The following CPQ variants were observed in gnomAD, a reference collection of about 807,000 sequenced individuals.
The protein encoded by CPQ is Ser-Met dipeptidase.
A neutral mutation model predicts 45.7 loss-of-function variants in CPQ; 37 were observed. The ratio of observed to expected loss-of-function variants is 0.81; its 90% confidence interval spans 0.62 to 1.07. The LOEUF (loss-of-function observed/expected upper bound fraction) is 1.07. Among genes scored for constraint, CPQ ranks in the 50% least tolerant of loss-of-function variants. The probability of loss-of-function intolerance (pLI) is 0.00; values close to 1 mark genes in which losing one functional copy is unlikely to be tolerated. For missense variants in CPQ, 537 were observed against 572.9 expected, an observed-to-expected ratio of 0.94 and a Z score of 0.64; for synonymous variants, 186 against 205.8, an observed-to-expected ratio of 0.90 and a Z score of 0.82.
intron 5 of CPQ, among the ~76,000 whole-genome samples, chr8:97,004,715 A>T (rs1373350443): frequency 6.6e-6 from 1 of 152,188 alleles, no homozygotes; most frequent in East Asian, 1.9e-4. Flanking sequence ...AGAGAATACA[A>T]ATAGAAATAC....
chr8:96,909,011 T>A (rs4734353), intron 4 of CPQ, among the ~76,000 whole-genome samples: 93,758 of 151,926 alleles, frequency 0.62, 29,598 homozygotes, highest in African/African-American at 0.75. Context: ...CTTGGATTTC[T>A]TGTTTTGCCA....
rs563648058 is a variant in CPQ at position 96,965,664 on chromosome 8, C to T, written c.850-271C>T. Among the ~76,000 whole-genome samples the T allele has an allele frequency of 2.0e-5, 3 of 152,040 alleles. 1 individual carries two copies. The highest frequency in any genetic ancestry group is 4.1e-4 in the South Asian group (2 of 4,826). On this transcript the variant is annotated intron_variant, in intron 4 of 7. Coordinates refer to ENST00000220763, the MANE Select transcript of CPQ (RefSeq NM_016134.4). ...GATTAGAGGCGTGAGCCACCGCACC[C>T]GGCCAAGCCAATTTCTTTAGTAGTC...
At chr8:96,687,314 G>A (rs1395294677) in intron 1 of CPQ, among the ~76,000 whole-genome samples, 2 of 151,992 alleles carry the variant, frequency 1.3e-5, no homozygotes, top group Non-Finnish European at 2.9e-5. Context: ...ATAGATTAAA[G>A]TGATTCTCCT....
chr8:96,849,528 A>G lies in CPQ; in HGVS notation c.641+14348A>G, dbSNP rs901651394. On this transcript the variant is annotated intron_variant, in intron 3 of 7. Transcript: ENST00000220763. ...ACCTAAGCACATCCCTGTAAACCCA[A>G]GCCAATATATCTCCAGGTCAGCTTC... Among the ~76,000 whole-genome samples the G allele has an allele frequency of 8.5e-5, 13 of 152,310 alleles. No individual in the cohort carries two copies. The East Asian group carries it at 2.3e-3, about 27-fold the overall frequency.
intron 1 of CPQ, among the ~76,000 whole-genome samples, chr8:96,650,436 C>G (rs1479881956): frequency 2.0e-5 from 3 of 152,158 alleles, no homozygotes; most frequent in Non-Finnish European, 2.9e-5. Flanking sequence ...TTGATTGTTA[C>G]AAGAACCTAG....
chr8:96,771,355 T>C (rs1810541879), intron 1 of CPQ, among the ~76,000 whole-genome samples: 1 of 151,906 alleles, frequency 6.6e-6, no homozygotes, highest in African/African-American at 2.4e-5. Flanking sequence ...ATAGACTTTA[T>C]TTAGGTTTCA....
chr8:96,787,475 C>T (rs1283818412), intron 2 of CPQ, among the ~76,000 whole-genome samples: 1 of 139,810 alleles, frequency 7.2e-6, no homozygotes, highest in Non-Finnish European at 1.5e-5. Context: ...TAATATTTTG[C>T]ATTTACATCC....
chr8:97,130,154 C>G (rs540052141), intron 7 of CPQ, among the ~76,000 whole-genome samples: 1 of 152,212 alleles, frequency 6.6e-6, no homozygotes, highest in African/African-American at 2.4e-5. Flanking sequence ...GGCCTTTTTA[C>G]CAGTTTAATT....
chr8:96,861,081 C>T (rs974606854), intron 3 of CPQ, among the ~76,000 whole-genome samples: 1 of 152,108 alleles, frequency 6.6e-6, no homozygotes, highest in Non-Finnish European at 1.5e-5. Flanking sequence ...TGTTAAATCT[C>T]TCTTATGCAT....
At chr8:96,684,514 C>T (rs556335178) in intron 1 of CPQ, among the ~76,000 whole-genome samples, 11 of 152,212 alleles carry the variant, frequency 7.2e-5, no homozygotes, top group Middle Eastern at 3.4e-3. Context: ...TAGACCCCCA[C>T]ACAGTATGCT....
intron 7 of CPQ, among the ~76,000 whole-genome samples, chr8:97,069,144 C>T (rs889049795): frequency 8.5e-5 from 13 of 152,304 alleles, no homozygotes; most frequent in Non-Finnish European, 1.2e-4. Flanking sequence ...TACATAAAGT[C>T]AGTAGCTCAT....
At chr8:96,925,386 C>CT (rs1328006543) in intron 4 of CPQ, among the ~76,000 whole-genome samples, 11,422 of 139,844 alleles carry the variant, frequency 0.082, 856 homozygotes, top group African/African-American at 0.2. Context: ...CAGGCCTCTG[C>CT]TTTTTTTTTT....
chr8:97,022,412 G>A (rs370899732), intron 5 of CPQ, among the ~76,000 whole-genome samples: 13 of 152,166 alleles, frequency 8.5e-5, no homozygotes, highest in Middle Eastern at 3.4e-3. Flanking sequence ...GAGATTTTGC[G>A]TGGCAAAAGG....
chr8:96,858,566 G>T (rs1264518493), intron 3 of CPQ, among the ~76,000 whole-genome samples: 2 of 152,108 alleles, frequency 1.3e-5, no homozygotes, highest in Admixed American at 1.3e-4. Context: ...ATGAGCAGAG[G>T]TCTCCCATTT....
intron 4 of CPQ, among the ~76,000 whole-genome samples, chr8:96,908,464 T>A (rs2130902466): frequency 6.6e-6 from 1 of 152,192 alleles, no homozygotes; most frequent in Middle Eastern, 3.4e-3. Flanking sequence ...TTGGACAGGT[T>A]CATGGATTTA....
At chr8:96,674,754 T>A (rs1371937284) in intron 1 of CPQ, among the ~76,000 whole-genome samples, 1 of 152,166 alleles carries the variant, frequency 6.6e-6, no homozygotes, top group African/African-American at 2.4e-5. Context: ...GTTTTGTTTT[T>A]GGTAAAATAA....
intron 7 of CPQ, chr8:97,092,316 A>G (rs934641292): frequency 1.3e-5 from 2 of 152,234 alleles, no homozygotes; most frequent in African/African-American, 2.4e-5. Flanking sequence ...TCATATAAAC[A>G]TAGAATGGAT....
At chr8:96,764,420 C>G (rs1340577028) in intron 1 of CPQ, among the ~76,000 whole-genome samples, 1 of 152,062 alleles carries the variant, frequency 6.6e-6, no homozygotes, top group Non-Finnish European at 1.5e-5. Context: ...TGGGAGTGTT[C>G]CTTATAATAC....
chr8:96,929,207 C>T (rs1812937234), intron 4 of CPQ, among the ~76,000 whole-genome samples: 1 of 152,042 alleles, frequency 6.6e-6, no homozygotes, highest in East Asian at 1.9e-4. Flanking sequence ...ACTAAAACTG[C>T]CTACAAAGAC....
Sources: allele counts gnomAD v4.1 joint callset (sites outside exome capture counted in the v4.1 genomes callset), GRCh38; gene constraint gnomAD v4.1.1; transcripts MANE v1.5; gene names NCBI Gene and HGNC (gene_info 2026-07-23, HGNC 2026-07-21).